Variants in GRID2IP observed in about 807,000 individuals in gnomAD.
The protein encoded by GRID2IP is delphilin.
Under a neutral mutation model 114.3 loss-of-function variants are expected in GRID2IP, and 78 were observed. The observed-to-expected ratio is 0.68, with a 90% confidence interval of 0.57 to 0.82. GRID2IP has a LOEUF of 0.82. GRID2IP is among the 40% of genes least tolerant of loss of function. The probability of loss-of-function intolerance (pLI) is 0.00; values close to 1 mark genes in which losing one functional copy is unlikely to be tolerated. For synonymous variants in GRID2IP, 809 were observed against 724.0 expected (o/e 1.12, Z -1.89); for missense variants, 1,727 against 1,678.5 (o/e 1.03, Z -0.51).
At chr7:6,550,887 G>C (rs13224458) in intron 1 of GRID2IP, 121 bp downstream of exon 1, 318,707 of 1,128,778 alleles carry the variant, frequency 0.28, 46,373 homozygotes, top group Admixed American at 0.38. Flanking sequence ...CCATATTTCT[G>C]TTAAATCTGA....
chr7:6,525,806 C>T (rs1273702129), intron 4 of GRID2IP, among the ~76,000 whole-genome samples: 2 of 152,092 alleles, frequency 1.3e-5, no homozygotes, highest in African/African-American at 2.4e-5. Flanking sequence ...CCCAGTTCAG[C>T]GTGGGCACTC....
intron 7 of GRID2IP, among the ~76,000 whole-genome samples, chr7:6,517,219 T>TA (rs1779325412): frequency 3.4e-5 from 5 of 148,888 alleles, no homozygotes; most frequent in Admixed American, 2.7e-4. Context: ...CACGCCCGGC[T>TA]ATTTTTTTTT....
chr7:6,537,062 A>C (rs541605458), intron 2 of GRID2IP, among the ~76,000 whole-genome samples: 1 of 152,094 alleles, frequency 6.6e-6, no homozygotes, highest in African/African-American at 2.4e-5. Context: ...GAGCAGTCGC[A>C]GGCCCAGGAG....
intron 8 of GRID2IP, among the ~76,000 whole-genome samples, chr7:6,513,099 A>G (rs1779210458): frequency 6.6e-6 from 1 of 152,172 alleles, no homozygotes; most frequent in Non-Finnish European, 1.5e-5. Context: ...TGGCAGCCAC[A>G]CATGGCACTG....
Position 6,534,072 on chromosome 7 carries a change from G to A in GRID2IP, c.584+5646C>T, listed in dbSNP as rs978880217. 6.6e-6 allele frequency among the ~76,000 whole-genome samples: 1 copy of A among 152,044 alleles called. No homozygotes were observed. Among genetic ancestry groups the A allele is most frequent in the Non-Finnish European group, 1.5e-5 (1 of 68,008 alleles). On this transcript the variant is annotated intron_variant, in intron 2 of 21. Transcript: ENST00000457091. This position sits in a 1 kb window ranked among gnomAD's most constrained non-coding sequence, Gnocchi z 4.5. ...CAACTCACCTTTCCTGCTTTCAGTTGGCCAAGTTCATTTACATGGTTTCCT... is the reference window on the plus strand; with the variant it reads ...CAACTCACCTTTCCTGCTTTCAGTTAGCCAAGTTCATTTACATGGTTTCCT...
rs1046504654 is a variant in GRID2IP at position 6,520,249 on chromosome 7, A to C, written c.1268+329T>G. ...GGAGGCTGCAGTGAGCCAAGATCTCATCATTGCACTCCAGCTGGGTGATAG... is the reference window on the plus strand; with the variant it reads ...GGAGGCTGCAGTGAGCCAAGATCTCCTCATTGCACTCCAGCTGGGTGATAG... On this transcript the variant is annotated intron_variant, in intron 7 of 21. Transcript: ENST00000457091. This position sits in a 1 kb window ranked among gnomAD's most constrained non-coding sequence, Gnocchi z 4.6. 1.3e-5 allele frequency among the ~76,000 whole-genome samples: 2 copies of C among 152,020 alleles called. No homozygotes were observed. Among genetic ancestry groups the C allele is most frequent in the African/African-American group, 4.8e-5 (2 of 41,364 alleles).
chr7:6,536,132 G>C lies in GRID2IP; in HGVS notation c.584+3586C>G, dbSNP rs1458521192. 6.6e-6 allele frequency among the ~76,000 whole-genome samples: 1 copy of C among 152,194 alleles called. No homozygotes were observed. Among genetic ancestry groups the C allele is most frequent in the East Asian group, 1.9e-4 (1 of 5,182 alleles). ...CCACCCTAGAGGCCAGCACACTATG[G>C]GGCCATGGGTGACTGGCCAGCCCTG... On this transcript the variant is annotated intron_variant, in intron 2 of 21. Coordinates refer to ENST00000457091, the MANE Select transcript of GRID2IP (RefSeq NM_001145118.2). The surrounding 1 kb of genome is among the most constrained non-coding windows in gnomAD (Gnocchi z 5.3).
At chr7:6,549,990 A>G (rs1249545850) in intron 1 of GRID2IP, among the ~76,000 whole-genome samples, 3 of 151,240 alleles carry the variant, frequency 2.0e-5, no homozygotes, top group Admixed American at 2.0e-4. Flanking sequence ...GGCTCTTTTT[A>G]TTTTATCTTT....
At chr7:6,524,842 G>A (rs1196073939) in intron 4 of GRID2IP, among the ~76,000 whole-genome samples, 1 of 151,546 alleles carries the variant, frequency 6.6e-6, no homozygotes. Flanking sequence ...TCAGCCTCCC[G>A]AGTAGCTGGG....
At position 6,504,865 on chromosome 7, in the gene GRID2IP, C is replaced by T; in HGVS notation, c.2638G>A (p.Val880Met). The T allele has an allele frequency of 6.4e-7, 1 of 1,551,258 alleles. No homozygotes were observed. Among genetic ancestry groups the T allele is most frequent in the Non-Finnish European group, 8.7e-7 (1 of 1,146,828 alleles). Residue 880 changes from valine (V) to methionine (M), a missense_variant, in exon 15 of 22, where the codon GTG becomes ATG. Coordinates refer to ENST00000457091, the MANE Select transcript of GRID2IP (RefSeq NM_001145118.2). Reference sequence around the variant, plus strand: ...TTCCGGAAGGGCTCCGGCCCCGGCACCGGTTCTGGAAAAGAAACTGACAGT... The same window carrying T: ...TTCCGGAAGGGCTCCGGCCCCGGCATCGGTTCTGGAAAAGAAACTGACAGT... ...HFGTQKPAKP[V>M]PGPEPFRKKE...
chr7:6,550,980 G>GGA, intron 1 of GRID2IP, 28 bp downstream of exon 1: 1 of 550,070 alleles, frequency 1.8e-6, no homozygotes, highest in Non-Finnish European at 2.3e-6. Flanking sequence ...CCTCCTTCCC[G>GGA]CCCCCACCTC....
chr7:6,551,139 T>C lies in GRID2IP; in HGVS notation c.298A>G (p.Thr100Ala). 2 of 1,320,464 alleles carry C rather than the reference T, an allele frequency of 1.5e-6. No homozygotes were observed. The highest frequency in any genetic ancestry group is 2.0e-5 in the South Asian group (1 of 50,894). 81.8% of individuals were successfully genotyped at this position (1,320,464 alleles called of 1,614,324 possible). Residue 100 changes from threonine (T) to alanine (A), a missense_variant, in exon 1 of 22, where the codon ACA (threonine) becomes GCA (alanine). Thr to Ala is a moderately conservative substitution (Grantham distance 58). Coordinates refer to ENST00000457091, the MANE Select transcript of GRID2IP (RefSeq NM_001145118.2). ...CCGCACCGCGGGGCCCGCAAGACTG[T>C]GGTCGGGGCCGCGGGGCCGGATCCT... Reference protein sequence around the residue: ...GPGSGPAAPTTVLRAPRCGRG... With the variant: ...GPGSGPAAPTAVLRAPRCGRG...
chr7:6,542,683 C>A (rs183025515), intron 1 of GRID2IP, among the ~76,000 whole-genome samples: 1 of 151,988 alleles, frequency 6.6e-6, no homozygotes, highest in Non-Finnish European at 1.5e-5. Flanking sequence ...GAAAATAAAA[C>A]CATGAAATAG....
intron 2 of GRID2IP, among the ~76,000 whole-genome samples, chr7:6,537,166 G>A (rs1779739859): frequency 6.6e-6 from 1 of 152,024 alleles, no homozygotes; most frequent in Non-Finnish European, 1.5e-5. Context: ...GGCAGGGAGG[G>A]CCTCCAAGGA....
At chr7:6,505,639 GA>G (rs1443306082) in intron 14 of GRID2IP, among the ~76,000 whole-genome samples, 180 bp downstream of exon 14, 2 of 152,186 alleles carry the variant, frequency 1.3e-5, no homozygotes, top group African/African-American at 2.4e-5. Context: ...AAAGTGCTGG[GA>G]TGACAGGCGT....
chr7:6,514,328 C>T, intron 8 of GRID2IP, 47 bp downstream of exon 8: 1 of 1,439,230 alleles, frequency 6.9e-7, no homozygotes, highest in Non-Finnish European at 9.2e-7. Context: ...GTGAGCTGGA[C>T]AGTCAGCAGC....
chr7:6,539,592 C>T, intron 2 of GRID2IP, 126 bp downstream of exon 2: 1 of 908,248 alleles, frequency 1.1e-6, no homozygotes, highest in Non-Finnish European at 1.6e-6. Flanking sequence ...CGATGCTGTT[C>T]AAGAGCAGGC....
intron 1 of GRID2IP, among the ~76,000 whole-genome samples, chr7:6,543,065 T>A (rs1014806457): frequency 7.9e-5 from 12 of 152,080 alleles, no homozygotes; most frequent in African/African-American, 1.9e-4. Context: ...AGACTCCGCA[T>A]CCTTCCCTTC....
At chr7:6,514,255 A>G in intron 8 of GRID2IP, 120 bp downstream of exon 8, 1 of 1,011,062 alleles carries the variant, frequency 9.9e-7, no homozygotes, top group Non-Finnish European at 1.4e-6. Flanking sequence ...CTCCATTTCA[A>G]AACAAACAAA....
Sources: gnomAD v4.1 joint callset for allele counts (sites outside exome capture counted in the v4.1 genomes callset) on GRCh38, gnomAD v4.1.1 for gene constraint, Gnocchi (gnomAD v3.1) non-coding constraint, MANE v1.5 for transcripts, NCBI Gene and HGNC (gene_info 2026-07-23, HGNC 2026-07-21) for gene names.